The following LARGE1 variants were observed in gnomAD, a reference collection of about 807,000 sequenced individuals.
LARGE1 encodes xylosyl- and glucuronyltransferase LARGE1.
A neutral mutation model predicts 87.6 loss-of-function variants in LARGE1; 43 were observed. The observed-to-expected ratio is 0.49, with a 90% confidence interval of 0.38 to 0.63. LARGE1 has a LOEUF of 0.63. Ranked by LOEUF, LARGE1 falls within the 30% of genes least tolerant of loss-of-function variation. The pLI is 0.00. For synonymous variants in LARGE1, 434 were observed against 394.6 expected, an observed-to-expected ratio of 1.10 and a Z score of -1.18; for missense variants, 802 against 1,000.2, an observed-to-expected ratio of 0.80 and a Z score of 2.67.
At chr22:33,434,472 G>T (rs5754547) in intron 6 of LARGE1, among the ~76,000 whole-genome samples, 96,023 of 151,988 alleles carry the variant, frequency 0.63, 32,051 homozygotes, top group African/African-American at 0.86. Context: ...AGTTAATTTT[G>T]TGTATTTTAG....
At chr22:33,275,119 A>G (rs1004939395) in intron 14 of LARGE1, among the ~76,000 whole-genome samples, 4 of 152,222 alleles carry the variant, frequency 2.6e-5, no homozygotes, top group Non-Finnish European at 5.9e-5. Flanking sequence ...CAGGAATGAG[A>G]GACCAGATGA....
intron 10 of LARGE1, among the ~76,000 whole-genome samples, chr22:33,323,008 G>T (rs1297290029): frequency 6.6e-6 from 1 of 152,144 alleles, no homozygotes; most frequent in Non-Finnish European, 1.5e-5. Flanking sequence ...TCTAGTCCCA[G>T]CTACTTGGGA....
intron 2 of LARGE1, among the ~76,000 whole-genome samples, chr22:33,681,099 C>A (rs1458917015): frequency 6.6e-6 from 1 of 151,992 alleles, no homozygotes; most frequent in African/African-American, 2.4e-5. Context: ...CCAGTTCCAA[C>A]ACACTTTATT....
At chr22:33,162,073 G>C (rs561953834), downstream of LARGE1, among the ~76,000 whole-genome samples, 1 of 152,192 alleles carries the variant, frequency 6.6e-6, no homozygotes, top group East Asian at 1.9e-4. Flanking sequence ...CCTCCAAACT[G>C]TTCCAACCTC....
intron 2 of LARGE1, among the ~76,000 whole-genome samples, chr22:33,654,817 C>G (rs73400746): frequency 0.018 from 2,702 of 152,326 alleles, 80 homozygotes; most frequent in African/African-American, 0.062. Flanking sequence ...GCAAGAGAGG[C>G]ATGGAAGCAC....
At chr22:33,735,617 C>T (rs1285309962) in intron 2 of LARGE1, among the ~76,000 whole-genome samples, 1 of 152,144 alleles carries the variant, frequency 6.6e-6, no homozygotes, top group African/African-American at 2.4e-5. Flanking sequence ...TTCAGCAGCT[C>T]CATTTATCTT....
At chr22:33,439,985 G>A (rs2067410469) in intron 6 of LARGE1, among the ~76,000 whole-genome samples, 1 of 151,958 alleles carries the variant, frequency 6.6e-6, no homozygotes, top group African/African-American at 2.4e-5. Context: ...CCCTTCCCTT[G>A]CTCTACCATG....
chr22:33,766,974 T>C lies in LARGE1; in HGVS notation c.-82-5416A>G, dbSNP rs1455229036. Among the ~76,000 whole-genome samples the C allele has an allele frequency of 3.7e-5, 4 of 108,546 alleles. No individual in the cohort carries two copies. The Middle Eastern group carries it at 0.015, about 411-fold the overall frequency. 71.2% of individuals were successfully genotyped at this position (108,546 alleles called of 152,430 possible). The stretch of plus-strand genomic sequence containing the variant: ...TATATATATATATATATATACTTCC[T>C]GAAATTTTATACAAGGAGCCTGCAT... On this transcript the variant is annotated intron_variant, in intron 1 of 14. Transcript: ENST00000397394.
the LARGE1 span, among the ~76,000 whole-genome samples, chr22:33,123,005 C>G: frequency 2.5e-4 from 38 of 152,220 alleles, 1 homozygote; most frequent in African/African-American, 8.7e-4. Context: ...TCTTGATGAC[C>G]TTGGAGTGGA....
intron 11 of LARGE1, among the ~76,000 whole-genome samples, chr22:33,315,512 T>C (rs1936060110): frequency 6.6e-6 from 1 of 152,242 alleles, no homozygotes; most frequent in Admixed American, 6.5e-5. Flanking sequence ...AGTCGGGCTC[T>C]ACTTCTTAAG....
intron 1 of LARGE1, among the ~76,000 whole-genome samples, chr22:33,765,742 T>C (rs1006162750): frequency 2.3e-5 from 3 of 133,054 alleles, no homozygotes; most frequent in South Asian, 2.6e-4. Flanking sequence ...TATAGACAAA[T>C]TTAAACTTTT....
chr22:33,146,137 T>A, the LARGE1 span, among the ~76,000 whole-genome samples: 1 of 152,164 alleles, frequency 6.6e-6, no homozygotes, highest in South Asian at 2.1e-4. Context: ...TTGGGACAAA[T>A]ACAAGTTACT....
At chr22:33,328,957 T>G (rs1937476791) in intron 10 of LARGE1, among the ~76,000 whole-genome samples, 1 of 152,104 alleles carries the variant, frequency 6.6e-6, no homozygotes, top group Admixed American at 6.5e-5. Context: ...TGGTGAAGAT[T>G]AAAGTTGTAT....
chr22:33,805,871 A>G (rs2086293335), intron 1 of LARGE1, among the ~76,000 whole-genome samples: 1 of 152,186 alleles, frequency 6.6e-6, no homozygotes, highest in Non-Finnish European at 1.5e-5. Flanking sequence ...CACTGTCACT[A>G]TGAACTTTGT....
At chr22:33,472,132 G>A (rs1376303696) in intron 6 of LARGE1, among the ~76,000 whole-genome samples, 1 of 152,170 alleles carries the variant, frequency 6.6e-6, no homozygotes, top group Non-Finnish European at 1.5e-5. Flanking sequence ...AGCTGGAGCT[G>A]AGCAGGCAAT....
chr22:33,509,980 A>G (rs141414825), intron 6 of LARGE1, among the ~76,000 whole-genome samples: 30 of 152,272 alleles, frequency 2.0e-4, no homozygotes, highest in African/African-American at 6.7e-4. Flanking sequence ...CCTTGCTTTG[A>G]TCTACATTTG....
intron 6 of LARGE1, among the ~76,000 whole-genome samples, chr22:33,516,168 C>A (rs1442370392): frequency 6.6e-6 from 1 of 152,152 alleles, no homozygotes; most frequent in Non-Finnish European, 1.5e-5. Context: ...TGGGCAGAAA[C>A]CTGCAGGAAA....
intron 5 of LARGE1, among the ~76,000 whole-genome samples, chr22:33,565,312 AAATT>A (rs1417036937): frequency 6.6e-6 from 1 of 152,228 alleles, no homozygotes; most frequent in Non-Finnish European, 1.5e-5. Flanking sequence ...GTTATTATAG[AAATT>A]AAATAGATCC....
At chr22:33,338,368 T>C (rs1228594051) in intron 9 of LARGE1, among the ~76,000 whole-genome samples, 2 of 152,160 alleles carry the variant, frequency 1.3e-5, no homozygotes, top group African/African-American at 4.8e-5. Flanking sequence ...CACGCTTCGC[T>C]GTCCCTACTT....
Sources: allele counts gnomAD v4.1 joint callset (sites outside exome capture counted in the v4.1 genomes callset), GRCh38; gene constraint gnomAD v4.1.1; transcripts MANE v1.5; gene names NCBI Gene and HGNC (gene_info 2026-07-23, HGNC 2026-07-21).